Variants in MROH9 observed in about 807,000 individuals in gnomAD.
MROH9 encodes maestro heat-like repeat-containing protein family member 9.
In MROH9, 92 loss-of-function variants were observed where a neutral mutation model predicts 98.2. The ratio of observed to expected loss-of-function variants is 0.94; its 90% CI spans 0.79 to 1.11. The LOEUF (loss-of-function observed/expected upper bound fraction) is 1.11, where lower values mean the gene tolerates loss of function less well. Ranked by LOEUF, MROH9 falls within the 50% of genes most tolerant of loss-of-function variation. The pLI, the probability that MROH9 is intolerant of heterozygous loss-of-function variation, is 0.00. For missense variants in MROH9, 1,057 were observed against 1,014.8 expected, an observed-to-expected ratio of 1.04 and a Z score of -0.57; for synonymous variants, 397 against 368.9, an observed-to-expected ratio of 1.08 and a Z score of -0.87.
chr1:171,049,682 TTTTTC>T (rs1006962714), intron 20 of MROH9, among the ~76,000 whole-genome samples: 3 of 151,848 alleles, frequency 2.0e-5, no homozygotes, highest in Non-Finnish European at 4.4e-5. Context: ...AGTTTTTTCT[TTTTTC>T]TTTTTTTTTT....
intron 20 of MROH9, among the ~76,000 whole-genome samples, chr1:171,053,002 G>A (rs1653718190): frequency 6.6e-6 from 1 of 152,110 alleles, no homozygotes; most frequent in South Asian, 2.1e-4. Context: ...ACTGACCAAG[G>A]GAACAGGTTG....
At position 171,024,661 on chromosome 1, in the gene MROH9, A is replaced by T; in HGVS notation, c.2074A>T (p.Thr692Ser). The T allele has an allele frequency of 6.5e-7, 1 of 1,549,884 alleles. No individual in the cohort carries two copies. Among genetic ancestry groups the T allele is most frequent in the Non-Finnish European group, 8.7e-7 (1 of 1,145,602 alleles). Residue 692 changes from threonine (T) to serine (S), a missense_variant, in exon 19 of 22, where the codon ACA (threonine) becomes TCA (serine). Transcript: ENST00000367759. ...TTCTGTCTCACAGGCATGTAAATAT[A>T]CATTAAAAATCTGTACCTCACAATT... ...DKRVAEACKY[T>S]LKICTSQLKW...
intron 7 of MROH9, among the ~76,000 whole-genome samples, chr1:170,970,192 A>G (rs552038770): frequency 8.5e-5 from 13 of 152,324 alleles, no homozygotes; most frequent in African/African-American, 2.2e-4. Flanking sequence ...GAGCAGGGAT[A>G]ATCAGAGAGG....
chr1:170,937,750 C>T (rs946846480), intron 1 of MROH9, among the ~76,000 whole-genome samples: 31 of 152,076 alleles, frequency 2.0e-4, no homozygotes, highest in African/African-American at 6.0e-4. Flanking sequence ...GTCTCGATCT[C>T]CTGACCTCGT....
intron 17 of MROH9, among the ~76,000 whole-genome samples, chr1:171,017,277 G>A (rs923815871): frequency 1.3e-5 from 2 of 152,224 alleles, no homozygotes; most frequent in African/African-American, 4.8e-5. Context: ...TGACTAGGCA[G>A]CGGGCATGAC....
intron 4 of MROH9, 125 bp from the exon 5 acceptor site, chr1:170,959,337 T>C: frequency 1.2e-6 from 1 of 825,164 alleles, no homozygotes; most frequent in African/African-American, 1.8e-5. Flanking sequence ...ATGGCACCAC[T>C]GCACTCCAGC....
chr1:170,977,107 T>C lies in MROH9; in HGVS notation c.616+5224T>C, dbSNP rs915309382. On this transcript the variant is annotated intron_variant, in intron 8 of 21. Coordinates refer to ENST00000367759, the MANE Select transcript of MROH9 (RefSeq NM_001163629.2). ...CTATCAGGCCAGTTAGGTTTTTTTATACTGGCTATTTCATCAGTCAGCTCC... is the reference window on the plus strand; with the variant it reads ...CTATCAGGCCAGTTAGGTTTTTTTACACTGGCTATTTCATCAGTCAGCTCC... Among the ~76,000 whole-genome samples, 3 of 152,348 alleles carry C rather than the reference T, an allele frequency of 2.0e-5. No individual in the cohort carries two copies. The South Asian group carries it at 6.2e-4, about 32-fold the overall frequency.
rs548621717 is a variant in MROH9, at chr1:170,967,769, T to C, written c.480+2514T>C. Among the ~76,000 whole-genome samples, 3 of 152,298 alleles carry C rather than the reference T, an allele frequency of 2.0e-5. No individual in the cohort carries two copies. The East Asian group carries it at 5.8e-4, about 29-fold the overall frequency. On this transcript the variant is annotated intron_variant, in intron 7 of 21. Coordinates refer to ENST00000367759, the MANE Select transcript of MROH9 (RefSeq NM_001163629.2). ...GCACTCAAAGCACATGTTCCTTCAA[T>C]TAAATGGTTCAACTTTCAACAGGCA...
At chr1:170,992,133 C>T in intron 11 of MROH9, 31 bp from the exon 12 acceptor site, 1 of 1,559,648 alleles carries the variant, frequency 6.4e-7, no homozygotes, top group Non-Finnish European at 8.7e-7. Context: ...AAACATGATT[C>T]TCATTGTGTG....
intron 20 of MROH9, among the ~76,000 whole-genome samples, chr1:171,060,783 G>A (rs76505702): frequency 0.025 from 3,828 of 152,208 alleles, 166 homozygotes; most frequent in African/African-American, 0.087. Flanking sequence ...GCTTCCAGAA[G>A]TAAATATAGG....
At chr1:171,007,746 G>T (rs1373549640) in intron 15 of MROH9, among the ~76,000 whole-genome samples, 1 of 152,156 alleles carries the variant, frequency 6.6e-6, no homozygotes, top group Non-Finnish European at 1.5e-5. Flanking sequence ...GAGTTACAGG[G>T]CTGTTTCAGG....
At chr1:170,983,388 T>C in intron 8 of MROH9, 34 bp from the exon 9 acceptor site, 5 of 1,459,040 alleles carry the variant, frequency 3.4e-6, no homozygotes, top group Non-Finnish European at 4.8e-6. Context: ...AGTGATCAAA[T>C]AACAACCTGA....
Position 170,965,220 on chromosome 1 carries a change from G to A in MROH9, c.445G>A (p.Val149Met), listed in dbSNP as rs1206198594. The A allele has an allele frequency of 1.2e-6, 2 of 1,611,698 alleles. No individual in the cohort carries two copies. The change falls in exon 7 of 22, where the codon GTG (valine) becomes ATG (methionine). Residue 149 changes from valine (V) to methionine (M), a missense_variant. Val to Met is a conservative substitution (Grantham distance 21). Transcript: ENST00000367759. ...GAGAATAATGGTGATCATCAACAAG[G>A]TGTTAAGATTTACAGTCACAAAAGT... ...QERIMVIINKVLRFTVTKVRK... is the reference protein window; with the variant it reads ...QERIMVIINKMLRFTVTKVRK...
At chr1:171,016,777 G>T (rs1272489778) in intron 17 of MROH9, among the ~76,000 whole-genome samples, 1 of 152,078 alleles carries the variant, frequency 6.6e-6, no homozygotes, top group East Asian at 1.9e-4. Flanking sequence ...TATTTGCCAT[G>T]CCCCAAATAA....
intron 3 of MROH9, 44 bp downstream of exon 3, chr1:170,947,617 T>A: frequency 6.5e-7 from 1 of 1,528,232 alleles, no homozygotes; most frequent in Non-Finnish European, 9.0e-7. Context: ...TGAATTCTCT[T>A]GGAAAAAATA....
At chr1:170,953,967 C>A (rs1346100255) in intron 3 of MROH9, among the ~76,000 whole-genome samples, 1 of 151,822 alleles carries the variant, frequency 6.6e-6, no homozygotes, top group African/African-American at 2.4e-5. Flanking sequence ...TTCTCTAGGT[C>A]ACAAGTCATT....
intron 15 of MROH9, chr1:170,998,831 AAAT>A: frequency 1.2e-6 from 1 of 835,664 alleles, no homozygotes; most frequent in Non-Finnish European, 1.4e-6. Context: ...TTTTTCATTA[AAAT>A]AATAATATAA....
chr1:171,055,058 C>G (rs1415100399), intron 20 of MROH9, among the ~76,000 whole-genome samples: 1 of 150,126 alleles, frequency 6.7e-6, no homozygotes, highest in African/African-American at 2.4e-5. Flanking sequence ...GACACTTGCA[C>G]ACGCATGTTT....
intron 1 of MROH9, among the ~76,000 whole-genome samples, chr1:170,936,577 T>A (rs1648891715): frequency 6.6e-6 from 1 of 152,210 alleles, no homozygotes; most frequent in Admixed American, 6.5e-5. Context: ...GGGCATCCTA[T>A]GGCTCACTCA....
Sources: allele counts gnomAD v4.1 joint callset (sites outside exome capture counted in the v4.1 genomes callset), GRCh38; gene constraint gnomAD v4.1.1; transcripts MANE v1.5; gene names NCBI Gene and HGNC (gene_info 2026-07-23, HGNC 2026-07-21).